The following LCP2 variants were observed in gnomAD, a reference collection of about 807,000 sequenced individuals.
The protein encoded by LCP2 is lymphocyte cytosolic protein 2.
LCP2 carries 29 observed loss-of-function variants against 74.5 expected under a neutral mutation model. The ratio of observed to expected loss-of-function variants is 0.39; its 90% CI spans 0.29 to 0.53. The LOEUF (loss-of-function observed/expected upper bound fraction) is 0.53, where lower values mean the gene tolerates loss of function less well. LCP2 is among the 20% of genes least tolerant of loss of function. The pLI, the probability that LCP2 is intolerant of heterozygous loss-of-function variation, is 0.72. For synonymous variants in LCP2, 228 were observed against 229.5 expected (o/e 0.99, Z 0.06); for missense variants, 604 against 634.6 (o/e 0.95, Z 0.52).
chr5:170,276,479 A>G (rs192935528), intron 3 of LCP2, among the ~76,000 whole-genome samples: 59 of 152,328 alleles, frequency 3.9e-4, no homozygotes, highest in African/African-American at 1.3e-3. Flanking sequence ...CAGGGGTTGC[A>G]GAATGAGAGA....
intron 3 of LCP2, among the ~76,000 whole-genome samples, 151 bp from the exon 4 acceptor site, chr5:170,276,011 G>T (rs969118302): frequency 2.6e-5 from 4 of 152,252 alleles, no homozygotes; most frequent in African/African-American, 9.6e-5. Context: ...GGGACCCTCT[G>T]CTCTTCACTT....
At chr5:170,288,612 C>T (rs1458048452) in intron 2 of LCP2, among the ~76,000 whole-genome samples, 1 of 152,168 alleles carries the variant, frequency 6.6e-6, no homozygotes, top group Admixed American at 6.5e-5. Context: ...TCTGGGCCTC[C>T]ACCTCTTAAT....
At position 170,247,677 on chromosome 5, in the gene LCP2, C is replaced by T. The variant is rs1761328910; in HGVS notation, c.*1020G>A. 1 of 152,144 alleles carries T rather than the reference C, an allele frequency of 6.6e-6. No individual in the cohort carries two copies. Among genetic ancestry groups the T allele is most frequent in the African/African-American group, 2.4e-5 (1 of 41,414 alleles). 9.4% of individuals were successfully genotyped at this position (152,144 alleles called of 1,614,324 possible). A position where few individuals can be genotyped will look rare whatever the true frequency, so the allele number is the denominator to read the frequency against. ...AATTACCTCAAAGCACTTATACAGC[C>T]TGTTTGGGAAGGATGAGGAGAAGGG... On this transcript the variant is annotated 3_prime_UTR_variant, in exon 21 of 21. Coordinates refer to ENST00000046794, the MANE Select transcript of LCP2 (RefSeq NM_005565.5).
chr5:170,286,928 A>G (rs891359411), intron 3 of LCP2, among the ~76,000 whole-genome samples: 2 of 152,212 alleles, frequency 1.3e-5, no homozygotes, highest in Non-Finnish European at 2.9e-5. Flanking sequence ...CACACAGACT[A>G]TATGTAGCCC....
chr5:170,263,589 G>A (rs183881020), intron 10 of LCP2, among the ~76,000 whole-genome samples: 152 of 152,188 alleles, frequency 1.0e-3, no homozygotes, highest in African/African-American at 3.4e-3. Flanking sequence ...CTTCTAGAAC[G>A]GATGATATTC....
At chr5:170,254,631 G>A (rs1761516963) in intron 17 of LCP2, among the ~76,000 whole-genome samples, 1 of 152,118 alleles carries the variant, frequency 6.6e-6, no homozygotes, top group Admixed American at 6.5e-5. Context: ...CTTTTATAAT[G>A]CTTGTTGAAT....
chr5:170,259,900 GATTCTCA>G (rs2113162189), intron 14 of LCP2, among the ~76,000 whole-genome samples: 2 of 152,292 alleles, frequency 1.3e-5, no homozygotes, highest in African/African-American at 4.8e-5. Flanking sequence ...ACAACTCCCA[GATTCTCA>G]TGAGCACAAG....
chr5:170,268,379 GC>G lies in LCP2; in HGVS notation c.621+5del. 1 of 671,676 alleles carries G rather than the reference GC, an allele frequency of 1.5e-6. No homozygotes were observed. The allele number at this position is 671,676 out of a possible 1,614,324, so 41.6% of individuals were successfully genotyped here. A position where few individuals can be genotyped will look rare whatever the true frequency, so the allele number is the denominator to read the frequency against. On this transcript the variant is annotated splice_donor_5th_base_variant and intron_variant, in intron 8 of 20. Coordinates refer to ENST00000046794, the MANE Select transcript of LCP2 (RefSeq NM_005565.5). ...AAGTACTGTAAAAGAACGGGAGGAG[GC>G]CTACCGAGTGATTCCGGCCGGCTGG...
At chr5:170,282,203 G>A (rs969207500) in intron 3 of LCP2, among the ~76,000 whole-genome samples, 4 of 152,244 alleles carry the variant, frequency 2.6e-5, no homozygotes, top group South Asian at 4.1e-4. Context: ...TATTGTAAAC[G>A]TCAGGGAAGG....
intron 14 of LCP2, 114 bp from the exon 15 acceptor site, chr5:170,258,992 G>C: frequency 1.4e-6 from 1 of 697,594 alleles, no homozygotes; most frequent in Non-Finnish European, 2.5e-6. Flanking sequence ...TCTTTCTCTG[G>C]CAGTTATACA....
intron 3 of LCP2, among the ~76,000 whole-genome samples, chr5:170,277,883 T>C (rs929442602): frequency 6.6e-6 from 1 of 152,026 alleles, no homozygotes; most frequent in African/African-American, 2.4e-5. Context: ...GTTTACTCTC[T>C]GTAATAATAT....
chr5:170,273,972 A>G, intron 6 of LCP2: 1 of 273,492 alleles, frequency 3.7e-6, no homozygotes, highest in South Asian at 5.6e-5. Flanking sequence ...CAGTCAGCAA[A>G]GTACAGCCTA....
At chr5:170,261,953 C>A (rs945525215) in intron 13 of LCP2, among the ~76,000 whole-genome samples, 5 of 152,166 alleles carry the variant, frequency 3.3e-5, no homozygotes, top group Admixed American at 2.6e-4. Flanking sequence ...AAAATGTTAT[C>A]AAACTCCATT....
chr5:170,293,422 T>G (rs991968263), intron 1 of LCP2, 50 bp from the exon 2 acceptor site: 27 of 1,526,566 alleles, frequency 1.8e-5, no homozygotes, highest in Non-Finnish European at 2.2e-5. Context: ...TCTCTTACCA[T>G]TGGTTCCTCT....
intron 13 of LCP2, 98 bp from the exon 14 acceptor site, chr5:170,261,235 G>A (rs373028779): frequency 1.6e-5 from 14 of 879,804 alleles, no homozygotes; most frequent in African/African-American, 3.3e-5. Context: ...ATGAGAAATC[G>A]AACCCACTGA....
intron 2 of LCP2, among the ~76,000 whole-genome samples, chr5:170,291,521 T>G (rs1292967787): frequency 3.9e-5 from 6 of 152,234 alleles, no homozygotes; most frequent in Non-Finnish European, 7.3e-5. Context: ...TGTGCCACAT[T>G]GTCTGAAGGA....
chr5:170,256,672 G>A lies in LCP2; in HGVS notation c.1101-97C>T. 2 of 851,528 alleles carry A rather than the reference G, an allele frequency of 2.3e-6. No individual in the cohort carries two copies. The highest frequency in any genetic ancestry group is 2.7e-5 in the South Asian group (2 of 73,364). The allele number at this position is 851,528 out of a possible 1,614,324, so 52.7% of individuals were successfully genotyped here. A position where few individuals can be genotyped will look rare whatever the true frequency, so the allele number is the denominator to read the frequency against. Reference sequence around the variant, plus strand: ...GGAAGCCAGGCTGCAAATGCTTCTTGATTTGGTATCACTTTCCCTGCTGCC... The same window carrying A: ...GGAAGCCAGGCTGCAAATGCTTCTTAATTTGGTATCACTTTCCCTGCTGCC... On this transcript the variant is annotated intron_variant, in intron 16 of 20. Coordinates refer to ENST00000046794, the MANE Select transcript of LCP2 (RefSeq NM_005565.5). This position sits in a 1 kb window ranked among gnomAD's most constrained non-coding sequence, Gnocchi z 4.5.
intron 1 of LCP2, among the ~76,000 whole-genome samples, chr5:170,294,365 T>C (rs1310779761): frequency 6.6e-6 from 1 of 152,208 alleles, no homozygotes; most frequent in Non-Finnish European, 1.5e-5. Flanking sequence ...GGAACGAGCA[T>C]TTTTAAGATC....
intron 19 of LCP2, chr5:170,251,507 A>G: frequency 3.1e-6 from 1 of 325,850 alleles, no homozygotes; most frequent in South Asian, 2.5e-5. Context: ...TAATATTAAT[A>G]CTGTAAAGAT....
Sources: allele counts gnomAD v4.1 joint callset (sites outside exome capture counted in the v4.1 genomes callset), GRCh38; gene constraint gnomAD v4.1.1; non-coding constraint Gnocchi (gnomAD v3.1); transcripts MANE v1.5; gene names NCBI Gene and HGNC (gene_info 2026-07-23, HGNC 2026-07-21).